TOB2: variants seen among roughly 807,000 people sequenced by gnomAD.
TOB2 encodes transducer of ERBB2, 2.
Under a neutral mutation model 17.3 loss-of-function variants are expected in TOB2, and 3 were observed. That is an observed-to-expected ratio of 0.17 (90% CI 0.08 to 0.45). The LOEUF is 0.45. Among genes scored for constraint, TOB2 ranks in the 20% least tolerant of loss-of-function variants. TOB2 has a pLI of 0.99. For synonymous variants in TOB2, 163 were observed against 185.6 expected (o/e 0.88, Z 0.99); for missense variants, 407 against 445.7 (o/e 0.91, Z 0.78).
chr22:41,445,217 A>G (rs2037669769), intron 1 of TOB2, among the ~76,000 whole-genome samples: 1 of 152,188 alleles, frequency 6.6e-6, no homozygotes, highest in African/African-American at 2.4e-5. Context: ...TGTACACCTG[A>G]CACCTGAGCA....
Position 41,436,162 on chromosome 22 carries a change from T to C in TOB2, c.*149A>G, listed in dbSNP as rs2037543854. On this transcript the variant is annotated 3_prime_UTR_variant, in exon 2 of 2. Coordinates refer to ENST00000327492, the MANE Select transcript of TOB2 (RefSeq NM_016272.4). The surrounding 1 kb of genome is among the most constrained non-coding windows in gnomAD (Gnocchi z 4.8). ...TTGGGTGCTTTGCAGGGCCCTCCCA[T>C]TCCGTGCCTGGGCTGGATCTTTTTT... 2.7e-6 allele frequency: 3 copies of C among 1,120,716 alleles called. No individual in the cohort carries two copies. The highest frequency in any genetic ancestry group is 4.0e-5 in the South Asian group (2 of 50,034). 69.4% of individuals were successfully genotyped at this position (1,120,716 alleles called of 1,614,324 possible). A position where few individuals can be genotyped will look rare whatever the true frequency, so the allele number is the denominator to read the frequency against.
Position 41,436,291 on chromosome 22 carries a change from C to G in TOB2, c.*20G>C. 6.5e-7 allele frequency: 1 copy of G among 1,534,282 alleles called. No individual in the cohort carries two copies. The highest frequency in any genetic ancestry group is 1.4e-5 in the African/African-American group (1 of 72,488). ...TTTCTGTGGTCTTGGGTGCTCCTGG[C>G]CCCACGGGCAGGTAGATGGTCAGTT... On this transcript the variant is annotated 3_prime_UTR_variant, in exon 2 of 2. Coordinates refer to ENST00000327492, the MANE Select transcript of TOB2 (RefSeq NM_016272.4). The surrounding 1 kb of genome is among the most constrained non-coding windows in gnomAD (Gnocchi z 4.8).
intron 1 of TOB2, among the ~76,000 whole-genome samples, chr22:41,443,746 C>T (rs2037647617): frequency 6.6e-6 from 1 of 151,740 alleles, no homozygotes; most frequent in South Asian, 2.1e-4. Context: ...GCCTCAGCCT[C>T]CCGAGTAACT....
chr22:41,436,860 G>A lies in TOB2; in HGVS notation c.486C>T (p.Pro162=), dbSNP rs751115032. 5.6e-6 allele frequency: 9 copies of A among 1,614,202 alleles called. No homozygotes were observed. In the South Asian group the frequency reaches 7.7e-5, roughly 14 times the overall value. Reference sequence around the variant, plus strand: ...CGGAGCGGGGAATGAAGGTAGGGCTGGGTGACTGGCCAAAGGATGGCGATG... The same window carrying A: ...CGGAGCGGGGAATGAAGGTAGGGCTAGGTGACTGGCCAAAGGATGGCGATG... ...NSPSPSFGQS[P]SPTFIPRSAQ... The change falls in exon 2 of 2, where the codon CCC becomes CCT. Residue 162 remains proline (P), a synonymous_variant. Coordinates refer to ENST00000327492, the MANE Select transcript of TOB2 (RefSeq NM_016272.4). The surrounding 1 kb of genome is among the most constrained non-coding windows in gnomAD (Gnocchi z 4.8).
At chr22:41,445,226 C>G (rs1186247896) in intron 1 of TOB2, among the ~76,000 whole-genome samples, 3 of 152,222 alleles carry the variant, frequency 2.0e-5, no homozygotes, top group African/African-American at 7.2e-5. Context: ...GACACCTGAG[C>G]ATCTTCTCAT....
At position 41,436,530 on chromosome 22, in the gene TOB2, A is replaced by G; in HGVS notation, c.816T>C (p.Phe272=). Residue 272 remains phenylalanine, a synonymous_variant, in exon 2 of 2, where the codon TTT becomes TTC. Transcript: ENST00000327492. This position sits in a 1 kb window ranked among gnomAD's most constrained non-coding sequence, Gnocchi z 4.8. ...YNGGGSPSLF[F]DAADGQGSGT... ...CGCTGCCCTGGCCATCGGCCGCATCAAAGAAGAGGCTGGGTGAGCCACCAC... is the reference window on the plus strand; with the variant it reads ...CGCTGCCCTGGCCATCGGCCGCATCGAAGAAGAGGCTGGGTGAGCCACCAC... 3 of 1,611,668 alleles carry G rather than the reference A, an allele frequency of 1.9e-6. No homozygotes were observed. The highest frequency in any genetic ancestry group is 2.2e-5 in the South Asian group (2 of 90,844).
chr22:41,436,912 C>T lies in TOB2; in HGVS notation c.434G>A (p.Ser145Asn). The change falls in exon 2 of 2, where the codon AGC (serine) becomes AAC (asparagine). Residue 145 changes from serine (S) to asparagine (N), a missense_variant. By Grantham distance (46) the Ser-to-Asn change is conservative. Coordinates refer to ENST00000327492, the MANE Select transcript of TOB2 (RefSeq NM_016272.4). The surrounding 1 kb of genome is among the most constrained non-coding windows in gnomAD (Gnocchi z 4.8). Reference sequence around the variant, plus strand: ...GGAGTTGGACAGGGAGCTGTCCTGGCTGCCAATGGGCACGAACACCTGGGC... The same window carrying T: ...GGAGTTGGACAGGGAGCTGTCCTGGTTGCCAATGGGCACGAACACCTGGGC... ...PDAQVFVPIG[S>N]QDSSLSNSPS... 1 of 1,614,218 alleles carries T rather than the reference C, an allele frequency of 6.2e-7. No individual in the cohort carries two copies. The highest frequency in any genetic ancestry group is 1.1e-5 in the South Asian group (1 of 91,092).
intron 1 of TOB2, among the ~76,000 whole-genome samples, chr22:41,445,930 A>G (rs1353661245): frequency 6.6e-6 from 1 of 152,196 alleles, no homozygotes; most frequent in Non-Finnish European, 1.5e-5. Context: ...GAGTCTATTA[A>G]CAATTACCAC....
At position 41,436,445 on chromosome 22, in the gene TOB2, T is replaced by C. The variant is rs1354909846; in HGVS notation, c.901A>G (p.Met301Val). 1.2e-6 allele frequency: 2 copies of C among 1,614,202 alleles called. No homozygotes were observed. Among genetic ancestry groups the C allele is most frequent in the Non-Finnish European group, 1.7e-6 (2 of 1,180,040 alleles). Residue 301 changes from methionine (M) to valine (V), a missense_variant, in exon 2 of 2, where the codon ATG becomes GTG. By Grantham distance (21) the Met-to-Val change is conservative. Coordinates refer to ENST00000327492, the MANE Select transcript of TOB2 (RefSeq NM_016272.4). This position sits in a 1 kb window ranked among gnomAD's most constrained non-coding sequence, Gnocchi z 4.8. ...GCACCACCTCCAAATACCTGGGCCA[T>C]GTCAAAGCTGCTGCTGTTGCAGGTG... The part of the protein sequence containing the change: ...AGTCNSSSFD[M>V]AQVFGGGANS...
intron 1 of TOB2, among the ~76,000 whole-genome samples, chr22:41,445,967 AGCAGAAAAACAAG>A (rs977129182): frequency 1.1e-3 from 163 of 152,312 alleles, no homozygotes; most frequent in African/African-American, 3.8e-3. Flanking sequence ...CGGGAAAAGA[AGCAGAAAAACAAG>A]GCCTGGATCC....
intron 1 of TOB2, 104 bp from the exon 2 acceptor site, chr22:41,437,511 A>T: frequency 7.3e-7 from 1 of 1,373,038 alleles, no homozygotes; most frequent in Non-Finnish European, 9.6e-7. Flanking sequence ...CAGAACCAGG[A>T]GCCTATTTCT....
intron 1 of TOB2, among the ~76,000 whole-genome samples, chr22:41,446,012 T>G (rs1371461863): frequency 6.6e-6 from 1 of 152,128 alleles, no homozygotes; most frequent in Non-Finnish European, 1.5e-5. Context: ...CGGATTTATT[T>G]AACGGTGGGG....
chr22:41,438,158 G>T (rs1326084178), intron 1 of TOB2, among the ~76,000 whole-genome samples: 2 of 152,018 alleles, frequency 1.3e-5, no homozygotes, highest in Non-Finnish European at 2.9e-5. Context: ...CACAGACTAA[G>T]ATGTAAGTTT....
rs751728213 is a variant in TOB2, at chr22:41,436,606, G to A, written c.740C>T (p.Pro247Leu). The A allele has an allele frequency of 7.4e-6, 12 of 1,612,690 alleles. No individual in the cohort carries two copies. Among genetic ancestry groups the A allele is most frequent in the South Asian group, 2.2e-5 (2 of 90,900 alleles). ...MHSLNFITAN[P>L]APQSQLSPNA... The stretch of plus-strand genomic sequence containing the variant: ...GGGTGAGAGCTGGGACTGAGGGGCC[G>A]GGTTGGCCGTGATGAAGTTCAGTGA... Residue 247 changes from proline to leucine, a missense_variant, in exon 2 of 2, where the codon CCG becomes CTG. Pro to Leu is a moderately conservative substitution (Grantham distance 98). Transcript: ENST00000327492. This position sits in a 1 kb window ranked among gnomAD's most constrained non-coding sequence, Gnocchi z 4.8.
chr22:41,437,673 C>T (rs569324499), intron 1 of TOB2, among the ~76,000 whole-genome samples: 172 of 152,142 alleles, frequency 1.1e-3, no homozygotes, highest in Non-Finnish European at 1.1e-3. Flanking sequence ...TACTATTGGC[C>T]GGGCGCGGTG....
At position 41,436,980 on chromosome 22, in the gene TOB2, G is replaced by T. The variant is rs953141601; in HGVS notation, c.366C>A (p.Ala122=). The change falls in exon 2 of 2, where the codon GCC becomes GCA. Residue 122 remains alanine, a synonymous_variant. Coordinates refer to ENST00000327492, the MANE Select transcript of TOB2 (RefSeq NM_016272.4). This position sits in a 1 kb window ranked among gnomAD's most constrained non-coding sequence, Gnocchi z 4.8. ...TCTTGATCTCCTTGTCCAGCTCTGG[G>T]GCACCGCAACCCTCACTGTCATCCA... ...LYLDDSEGCG[A]PELDKEIKSS... is the part of the protein sequence containing the mutation. 6.2e-7 allele frequency: 1 copy of T among 1,614,142 alleles called. No individual in the cohort carries two copies. Among genetic ancestry groups the T allele is most frequent in the Non-Finnish European group, 8.5e-7 (1 of 1,180,030 alleles).
chr22:41,438,753 C>T (rs940729476), intron 1 of TOB2, among the ~76,000 whole-genome samples: 2 of 150,704 alleles, frequency 1.3e-5, no homozygotes, highest in African/African-American at 4.9e-5. Context: ...ACTGCTGACT[C>T]GGGGCTGCCA....
chr22:41,438,132 C>A (rs1233478704), intron 1 of TOB2, among the ~76,000 whole-genome samples: 5 of 152,038 alleles, frequency 3.3e-5, no homozygotes, highest in Admixed American at 2.6e-4. Flanking sequence ...TTGGTGAAGT[C>A]GTGCCCCCAA....
rs747886031 is a variant in TOB2 at position 41,434,292 on chromosome 22, C to T, written c.*2019G>A. The T allele has an allele frequency of 1.3e-5, 2 of 153,670 alleles. No individual in the cohort carries two copies. The highest frequency in any genetic ancestry group is 2.9e-5 in the Non-Finnish European group (2 of 68,938). The allele number at this position is 153,670 out of a possible 1,614,324, so 9.5% of individuals were successfully genotyped here. ...AAAAGACACAAAGGGGTTGGTCTCC[C>T]CTCTCTCCCTACATGTGAGAAACAA... On this transcript the variant is annotated 3_prime_UTR_variant, in exon 2 of 2. Transcript: ENST00000327492.
Sources: gnomAD v4.1 joint callset for allele counts (sites outside exome capture counted in the v4.1 genomes callset) on GRCh38, gnomAD v4.1.1 for gene constraint, Gnocchi (gnomAD v3.1) non-coding constraint, MANE v1.5 for transcripts, NCBI Gene and HGNC (gene_info 2026-07-23, HGNC 2026-07-21) for gene names.